ERI1: variants seen among roughly 807,000 people sequenced by gnomAD.
ERI1 encodes 3'-5' exoribonuclease 1.
A neutral mutation model predicts 39.7 loss-of-function variants in ERI1; 39 were observed. The ratio of observed to expected loss-of-function variants is 0.98; its 90% CI spans 0.76 to 1.28. The LOEUF (loss-of-function observed/expected upper bound fraction) is 1.28, where lower values mean the gene tolerates loss of function less well. Among genes scored for constraint, ERI1 ranks in the 50% most tolerant of loss-of-function variants. The pLI, the probability that ERI1 is intolerant of heterozygous loss-of-function variation, is 0.00. For synonymous variants in ERI1, 204 were observed against 149.6 expected, an observed-to-expected ratio of 1.36 and a Z score of -2.65; for missense variants, 581 against 416.9, an observed-to-expected ratio of 1.39 and a Z score of -3.43.
At chr8:9,010,422 T>A (rs1462303263) in intron 2 of ERI1, among the ~76,000 whole-genome samples, 2 of 152,232 alleles carry the variant, frequency 1.3e-5, no homozygotes, top group Non-Finnish European at 2.9e-5. Flanking sequence ...TCCGTAGGTC[T>A]TGATAATTTT....
intron 2 of ERI1, among the ~76,000 whole-genome samples, chr8:9,008,519 GTT>G (rs1316847253): frequency 6.6e-6 from 1 of 152,130 alleles, no homozygotes; most frequent in Non-Finnish European, 1.5e-5. Flanking sequence ...TATAAAAAGA[GTT>G]TGTTTGAAAT....
chr8:9,015,841 A>C (rs1817210333), intron 3 of ERI1, among the ~76,000 whole-genome samples: 2 of 152,048 alleles, frequency 1.3e-5, no homozygotes, highest in Admixed American at 1.3e-4. Context: ...TTAAATTTTG[A>C]CTATTTAGAA....
chr8:9,048,879 C>CA (rs34485513), intron 3 of ERI1, among the ~76,000 whole-genome samples: 54 of 151,982 alleles, frequency 3.6e-4, no homozygotes, highest in Admixed American at 7.9e-4. Flanking sequence ...CTCCTGGGCT[C>CA]AAAAAATCCT....
chr8:9,032,391 C>T lies in ERI1; in HGVS notation c.*2357C>T, dbSNP rs1378217248. The T allele has an allele frequency of 1.3e-5, 2 of 152,056 alleles. No individual in the cohort carries two copies. Among genetic ancestry groups the T allele is most frequent in the East Asian group, 3.9e-4 (2 of 5,186 alleles). 9.4% of individuals were successfully genotyped at this position (152,056 alleles called of 1,614,324 possible). ...GGATTTCTGCTGATTTTTTTCAAAT[C>T]CGCAATCTTTATAACCAACTGAAGT... On this transcript the variant is annotated 3_prime_UTR_variant, in exon 7 of 7. Coordinates refer to ENST00000250263, the MANE Select transcript of ERI1 (RefSeq NM_153332.4).
rs1044967576 is a variant in ERI1 at position 9,030,675 on chromosome 8, C to T, written c.*641C>T. ...ATTAATGAAAACGTAGAAGAAAGTA[C>T]TAAAAGGAATATCATAAGGGCTGTA... is the stretch of plus-strand genomic sequence containing the variant. On this transcript the variant is annotated 3_prime_UTR_variant, in exon 7 of 7. Coordinates refer to ENST00000250263, the MANE Select transcript of ERI1 (RefSeq NM_153332.4). The T allele has an allele frequency of 1.3e-5, 2 of 152,344 alleles. No individual in the cohort carries two copies. The highest frequency in any genetic ancestry group is 2.1e-4 in the South Asian group (1 of 4,842). The allele number at this position is 152,344 out of a possible 1,614,324, so 9.4% of individuals were successfully genotyped here.
chr8:9,033,230 C>T lies in ERI1; in HGVS notation c.*3196C>T, dbSNP rs1298934230. The T allele has an allele frequency of 6.6e-6, 1 of 152,148 alleles. No homozygotes were observed. The highest frequency in any genetic ancestry group is 6.5e-5 in the Admixed American group (1 of 15,272). The allele number at this position is 152,148 out of a possible 1,614,324, so 9.4% of individuals were successfully genotyped here. The stretch of plus-strand genomic sequence containing the variant: ...TGGCTGCTGCCTATTTTTGTATGGC[C>T]TACAAACTATGGTTTTTATATTCCC... On this transcript the variant is annotated 3_prime_UTR_variant, in exon 7 of 7. Coordinates refer to ENST00000250263, the MANE Select transcript of ERI1 (RefSeq NM_153332.4).
At chr8:9,014,172 C>T (rs184030866) in intron 3 of ERI1, among the ~76,000 whole-genome samples, 46 of 152,288 alleles carry the variant, frequency 3.0e-4, no homozygotes, top group Admixed American at 1.8e-3. Flanking sequence ...TTAACTCATT[C>T]CACTCCAGGC....
At chr8:9,061,927 G>C (rs1798711497) in intron 3 of ERI1, among the ~76,000 whole-genome samples, 1 of 151,976 alleles carries the variant, frequency 6.6e-6, no homozygotes, top group Non-Finnish European at 1.5e-5. Context: ...GCATGTTTGA[G>C]ATCCAGAACA....
chr8:9,045,348 C>T (rs557380721), intron 3 of ERI1, among the ~76,000 whole-genome samples: 1 of 152,142 alleles, frequency 6.6e-6, no homozygotes, highest in South Asian at 2.1e-4. Flanking sequence ...GGGACTTCCC[C>T]ATCCCACTTA....
At chr8:9,063,640 C>T (rs910567308) in intron 3 of ERI1, among the ~76,000 whole-genome samples, 5 of 152,050 alleles carry the variant, frequency 3.3e-5, no homozygotes, top group African/African-American at 1.2e-4. Context: ...GGATGAGTTG[C>T]ATGGGGAACA....
At chr8:9,064,027 A>G (rs981497433) in intron 3 of ERI1, among the ~76,000 whole-genome samples, 2 of 151,174 alleles carry the variant, frequency 1.3e-5, no homozygotes, top group African/African-American at 2.4e-5. Context: ...AAAGCAGGAA[A>G]GGGGTTGGGG....
chr8:9,013,020 A>AC (rs1372419280), intron 3 of ERI1, among the ~76,000 whole-genome samples: 1 of 111,842 alleles, frequency 8.9e-6, no homozygotes, highest in Non-Finnish European at 1.9e-5. Context: ...GACCATTCTC[A>AC]CTTTTTTTTT....
At chr8:9,093,554 G>T (rs1479271326) in intron 3 of ERI1, among the ~76,000 whole-genome samples, 1 of 150,172 alleles carries the variant, frequency 6.7e-6, no homozygotes, top group Non-Finnish European at 1.5e-5. Context: ...AAGAAAGTTT[G>T]TAAAACAGCT....
At chr8:9,024,761 A>T (rs1159272595) in intron 6 of ERI1, among the ~76,000 whole-genome samples, 2 of 152,126 alleles carry the variant, frequency 1.3e-5, no homozygotes, top group African/African-American at 4.8e-5. Flanking sequence ...TATGCATTAC[A>T]ATGCTGTTGT....
At chr8:9,059,728 A>G (rs1360253058) in intron 3 of ERI1, among the ~76,000 whole-genome samples, 2 of 152,194 alleles carry the variant, frequency 1.3e-5, no homozygotes, top group Non-Finnish European at 2.9e-5. Context: ...TTAAGAGTTA[A>G]GAGTGGCGGT....
chr8:9,014,152 ACTC>A (rs1563316361), intron 3 of ERI1, among the ~76,000 whole-genome samples: 1 of 151,544 alleles, frequency 6.6e-6, no homozygotes, highest in African/African-American at 2.4e-5. Flanking sequence ...CTGTCTTACT[ACTC>A]TTTTCCTTAA....
At chr8:9,065,560 T>TG (rs1409094173) in intron 3 of ERI1, among the ~76,000 whole-genome samples, 13 of 151,386 alleles carry the variant, frequency 8.6e-5, no homozygotes, top group African/African-American at 2.2e-4. Flanking sequence ...CCAGGCGTAG[T>TG]GGGGGGCGCC....
At chr8:9,038,821 GATA>G (rs912772146) in intron 3 of ERI1, among the ~76,000 whole-genome samples, 3 of 152,200 alleles carry the variant, frequency 2.0e-5, no homozygotes, top group Non-Finnish European at 4.4e-5. Flanking sequence ...ACTTTAATGA[GATA>G]ATGTTTTTAC....
chr8:9,080,300 A>C (rs1348168787), intron 3 of ERI1, among the ~76,000 whole-genome samples: 1 of 152,236 alleles, frequency 6.6e-6, no homozygotes, highest in African/African-American at 2.4e-5. Context: ...TGTATAACCC[A>C]AGTAGCCTGA....
Sources: gnomAD v4.1 joint callset for allele counts (sites outside exome capture counted in the v4.1 genomes callset) on GRCh38, gnomAD v4.1.1 for gene constraint, MANE v1.5 for transcripts, NCBI Gene and HGNC (gene_info 2026-07-23, HGNC 2026-07-21) for gene names.